The following FNBP1L variants were observed in gnomAD, a reference collection of about 807,000 sequenced individuals.
The protein encoded by FNBP1L is formin binding protein 1 like.
Under a neutral mutation model 91.2 loss-of-function variants are expected in FNBP1L, and 36 were observed. The ratio of observed to expected loss-of-function variants is 0.39; its 90% CI spans 0.30 to 0.52. FNBP1L has a LOEUF of 0.52. Ranked by LOEUF, FNBP1L falls within the 20% of genes least tolerant of loss-of-function variation. FNBP1L has a pLI of 0.66. For synonymous variants in FNBP1L, 242 were observed against 237.0 expected (o/e 1.02, Z -0.19); for missense variants, 571 against 732.1 (o/e 0.78, Z 2.54).
intron 1 of FNBP1L, among the ~76,000 whole-genome samples, chr1:93,469,101 T>C (rs1441208271): frequency 1.3e-5 from 2 of 152,186 alleles, no homozygotes; most frequent in Non-Finnish European, 2.9e-5. Flanking sequence ...TTTTTATATT[T>C]ATACTTTAAG....
intron 1 of FNBP1L, among the ~76,000 whole-genome samples, chr1:93,481,701 T>G (rs1427558013): frequency 6.6e-6 from 1 of 152,208 alleles, no homozygotes; most frequent in Non-Finnish European, 1.5e-5. Flanking sequence ...GACACATTGT[T>G]ATAGTTCCTT....
At chr1:93,468,556 A>T (rs138378839) in intron 1 of FNBP1L, among the ~76,000 whole-genome samples, 37 of 152,182 alleles carry the variant, frequency 2.4e-4, no homozygotes, top group African/African-American at 8.4e-4. Context: ...TCAGCACCCC[A>T]TGTAGCTGGG....
At chr1:93,547,738 G>T (rs1415860846) in intron 14 of FNBP1L, among the ~76,000 whole-genome samples, 1 of 152,024 alleles carries the variant, frequency 6.6e-6, no homozygotes, top group Non-Finnish European at 1.5e-5. Flanking sequence ...GTTTCCTAAG[G>T]TTCAAGTGGA....
At chr1:93,501,843 T>G (rs554732279) in intron 2 of FNBP1L, among the ~76,000 whole-genome samples, 1 of 152,164 alleles carries the variant, frequency 6.6e-6, no homozygotes, top group Non-Finnish European at 1.5e-5. Context: ...TCAAAATGTT[T>G]AAAAAGTCTA....
chr1:93,534,607 C>A (rs12093402), intron 8 of FNBP1L, 98 bp from the exon 9 acceptor site: 2 of 692,754 alleles, frequency 2.9e-6, no homozygotes, highest in Non-Finnish European at 4.7e-6. Context: ...TTTATTTAAA[C>A]TTATATTTGT....
intron 11 of FNBP1L, among the ~76,000 whole-genome samples, chr1:93,542,776 CTT>C (rs34922906): frequency 0.053 from 6,604 of 125,556 alleles, 549 homozygotes; most frequent in African/African-American, 0.19. Context: ...TTTTCTTTAC[CTT>C]TTTTTTTTTT....
chr1:93,547,291 A>G (rs183394909), intron 13 of FNBP1L, 56 bp from the exon 14 acceptor site: 2 of 1,310,140 alleles, frequency 1.5e-6, no homozygotes, highest in Admixed American at 2.1e-5. Context: ...TAGATATCTT[A>G]TGAGCTTTTA....
chr1:93,548,542 ATACTT>A (rs779206497), intron 14 of FNBP1L, among the ~76,000 whole-genome samples: 1 of 152,196 alleles, frequency 6.6e-6, no homozygotes, highest in Non-Finnish European at 1.5e-5. Flanking sequence ...GACAGAATGA[ATACTT>A]TACCCATGCT....
Position 93,494,582 on chromosome 1 carries a change from A to G in FNBP1L, c.25-4886A>G, listed in dbSNP as rs140984390. 7.9e-5 allele frequency among the ~76,000 whole-genome samples: 12 copies of G among 152,306 alleles called. No individual in the cohort carries two copies. The South Asian group carries it at 1.0e-3, about 13-fold the overall frequency. On this transcript the variant is annotated intron_variant, in intron 1 of 16. Coordinates refer to ENST00000271234, the MANE Select transcript of FNBP1L (RefSeq NM_001164473.3). ...TCACTGCATTAGCATAAATTTAGGT[A>G]TGATTGAAAGGGGGTTATTATGAAT...
intron 1 of FNBP1L, among the ~76,000 whole-genome samples, chr1:93,468,287 CT>C (rs920350375): frequency 4.8e-4 from 72 of 148,864 alleles, no homozygotes; most frequent in Middle Eastern, 3.5e-3. Flanking sequence ...TTACTTTGTT[CT>C]TTTTTTTTTA....
At chr1:93,492,414 C>G (rs1482009455) in intron 1 of FNBP1L, among the ~76,000 whole-genome samples, 1 of 152,068 alleles carries the variant, frequency 6.6e-6, no homozygotes. Flanking sequence ...ACAAGATGAT[C>G]CACTGACATA....
In FNBP1L at chr1:93,523,435, A is replaced by G. The variant is rs1671395960; in HGVS notation, c.286A>G (p.Arg96Gly). ...REVVAEEMAH[R>G]VYGELMRYAH... ...AGTTGTAGCAGAAGAAATGGCGCAC[A>G]GAGTGTATGGTGAATTAATGAGATA... The change falls in exon 4 of 17, where the codon AGA (arginine) becomes GGA (glycine). Residue 96 changes from arginine to glycine, a missense_variant. Arg to Gly is a moderately radical substitution (Grantham distance 125). Coordinates refer to ENST00000271234, the MANE Select transcript of FNBP1L (RefSeq NM_001164473.3). 6.2e-7 allele frequency: 1 copy of G among 1,610,714 alleles called. No homozygotes were observed. The highest frequency in any genetic ancestry group is 1.3e-5 in the African/African-American group (1 of 74,926).
intron 1 of FNBP1L, among the ~76,000 whole-genome samples, chr1:93,471,563 G>C (rs959085647): frequency 1.3e-5 from 2 of 152,082 alleles, no homozygotes; most frequent in African/African-American, 4.8e-5. Flanking sequence ...GTGGTGGTGT[G>C]TGCCTGTAGT....
intron 7 of FNBP1L, among the ~76,000 whole-genome samples, chr1:93,532,670 C>T (rs928007394): frequency 3.9e-5 from 6 of 152,022 alleles, no homozygotes; most frequent in Non-Finnish European, 8.8e-5. Flanking sequence ...TTTTAGAAGG[C>T]TAGAATCCCA....
chr1:93,450,428 T>A (rs1668455691), intron 1 of FNBP1L, among the ~76,000 whole-genome samples: 1 of 152,190 alleles, frequency 6.6e-6, no homozygotes, highest in Non-Finnish European at 1.5e-5. Flanking sequence ...AGGGAAACAT[T>A]TATTAGAAAC....
At position 93,534,904 on chromosome 1, in the gene FNBP1L, C is replaced by A; in HGVS notation, c.986C>A (p.Pro329Gln). Residue 329 changes from proline to glutamine, a missense_variant, in exon 9 of 17, where the codon CCA (proline) becomes CAA (glutamine). Pro to Gln is a moderately conservative substitution (Grantham distance 76). Transcript: ENST00000271234. ...KGKLWLFGKK[P>Q]KPQSPPLTPT... ...AAATTGTGGCTCTTTGGAAAGAAGC[C>A]AAAGGTAAAAGTCATAAAATTCCTA... is the stretch of plus-strand genomic sequence containing the variant. The A allele has an allele frequency of 6.4e-7, 1 of 1,562,934 alleles. No individual in the cohort carries two copies. Among genetic ancestry groups the A allele is most frequent in the South Asian group, 1.2e-5 (1 of 84,618 alleles).
At chr1:93,536,837 C>G (rs960525801) in intron 10 of FNBP1L, among the ~76,000 whole-genome samples, 1 of 151,626 alleles carries the variant, frequency 6.6e-6, no homozygotes, top group African/African-American at 2.4e-5. Context: ...AATTTGTCAC[C>G]AATGCTGACT....
At chr1:93,508,964 T>G (rs1008449489) in intron 2 of FNBP1L, among the ~76,000 whole-genome samples, 2 of 152,212 alleles carry the variant, frequency 1.3e-5, no homozygotes, top group African/African-American at 4.8e-5. Context: ...CCTATCAATT[T>G]AACAGCTTCA....
chr1:93,506,208 A>G (rs910653621), intron 2 of FNBP1L, among the ~76,000 whole-genome samples: 2 of 152,080 alleles, frequency 1.3e-5, no homozygotes, highest in Non-Finnish European at 2.9e-5. Context: ...ACAGAAAAAA[A>G]TAAGGACAGT....
Sources: gnomAD v4.1 joint callset for allele counts (sites outside exome capture counted in the v4.1 genomes callset) on GRCh38, gnomAD v4.1.1 for gene constraint, MANE v1.5 for transcripts, NCBI Gene and HGNC (gene_info 2026-07-23, HGNC 2026-07-21) for gene names.